Variants in NALF1 observed in about 807,000 individuals in gnomAD.
NALF1 encodes the protein NALCN channel auxiliary factor 1.
In NALF1, 3 loss-of-function variants were observed where a neutral mutation model predicts 48.4. That is an observed-to-expected ratio of 0.06 (90% CI 0.03 to 0.16). The LOEUF (loss-of-function observed/expected upper bound fraction) is 0.16. Among genes scored for constraint, NALF1 ranks in the 10% least tolerant of loss-of-function variants. The pLI is 1.00. For missense variants in NALF1, 526 were observed against 571.5 expected (o/e 0.92, Z 0.81); for synonymous variants, 262 against 245.7 (o/e 1.07, Z -0.62).
At chr13:107,544,532 T>C (rs1487583453) in intron 1 of NALF1, among the ~76,000 whole-genome samples, 1 of 152,164 alleles carries the variant, frequency 6.6e-6, no homozygotes, top group African/African-American at 2.4e-5. Context: ...TCTAGTTCCA[T>C]CTAAACCATT....
intron 1 of NALF1, among the ~76,000 whole-genome samples, chr13:107,837,683 C>T (rs940364810): frequency 6.9e-6 from 1 of 145,594 alleles, no homozygotes; most frequent in Non-Finnish European, 1.5e-5. Context: ...CCACCAGCTG[C>T]GCAGACTCCC....
intron 1 of NALF1, among the ~76,000 whole-genome samples, chr13:107,633,931 TG>T (rs1879905543): frequency 6.7e-6 from 1 of 149,056 alleles, no homozygotes; most frequent in Non-Finnish European, 1.5e-5. Context: ...TATTTATATA[TG>T]GATATATATA....
chr13:107,384,114 A>G (rs1243105821), intron 1 of NALF1, among the ~76,000 whole-genome samples: 2 of 152,018 alleles, frequency 1.3e-5, no homozygotes, highest in Non-Finnish European at 2.9e-5. Context: ...TTAGCCAGGC[A>G]TGGTGGCTCA....
At chr13:107,805,962 C>T (rs1878773495) in intron 1 of NALF1, among the ~76,000 whole-genome samples, 2 of 152,126 alleles carry the variant, frequency 1.3e-5, no homozygotes, top group South Asian at 4.1e-4. Context: ...AAAGTGTTGC[C>T]TTAAATATTT....
At chr13:107,386,277 T>G (rs1263417047) in intron 1 of NALF1, among the ~76,000 whole-genome samples, 1 of 152,182 alleles carries the variant, frequency 6.6e-6, no homozygotes, top group African/African-American at 2.4e-5. Flanking sequence ...AAATAAAGTG[T>G]CTAAAGGCAA....
intron 1 of NALF1, among the ~76,000 whole-genome samples, chr13:107,812,788 T>G (rs1879037149): frequency 6.6e-6 from 1 of 152,104 alleles, no homozygotes; most frequent in African/African-American, 2.4e-5. Context: ...TGTTTTTCAT[T>G]TTTTTTGTTT....
chr13:107,648,099 T>C (rs1460964213), intron 1 of NALF1, among the ~76,000 whole-genome samples: 2 of 152,120 alleles, frequency 1.3e-5, no homozygotes, highest in African/African-American at 4.8e-5. Context: ...ATACAGACAG[T>C]CCCATATGTC....
chr13:107,236,630 T>C (rs1046171358), intron 1 of NALF1, among the ~76,000 whole-genome samples: 3 of 152,186 alleles, frequency 2.0e-5, no homozygotes, highest in African/African-American at 4.8e-5. Flanking sequence ...TCTCCCTGTT[T>C]GGTAGCTTAA....
chr13:107,262,800 T>G (rs1002591950), intron 1 of NALF1, among the ~76,000 whole-genome samples: 4 of 77,144 alleles, frequency 5.2e-5, no homozygotes, highest in African/African-American at 2.2e-4. Flanking sequence ...CTCTCTCTCA[T>G]TCTTAAGCAA....
intron 1 of NALF1, among the ~76,000 whole-genome samples, chr13:107,252,446 G>C (rs980045): frequency 0.55 from 82,561 of 150,548 alleles, 23,399 homozygotes; most frequent in South Asian, 0.66. Flanking sequence ...GAGAAAGAGA[G>C]GGACAGACAC....
rs983876306 is a variant in NALF1 at position 107,168,498 on chromosome 13, A to C, written c.*1999T>G. The C allele has an allele frequency of 6.6e-6, 1 of 152,520 alleles. No homozygotes were observed. Among genetic ancestry groups the C allele is most frequent in the African/African-American group, 2.4e-5 (1 of 41,414 alleles). 9.4% of individuals were successfully genotyped at this position (152,520 alleles called of 1,614,324 possible). Reference sequence around the variant, plus strand: ...ATGTATTTGCATTTGCAGAAAAAAAAATTTTAAAAAAGGAACAAAAACGGG... The same window carrying C: ...ATGTATTTGCATTTGCAGAAAAAAACATTTTAAAAAAGGAACAAAAACGGG... On this transcript the variant is annotated 3_prime_UTR_variant, in exon 3 of 3. Transcript: ENST00000375915.
chr13:107,174,351 ATT>A (rs1231349758), intron 2 of NALF1, among the ~76,000 whole-genome samples: 49 of 29,200 alleles, frequency 1.7e-3, no homozygotes, highest in African/African-American at 7.1e-3. Flanking sequence ...ATTTTTATTT[ATT>A]TATTTATTTA....
At chr13:107,246,161 GTAA>G (rs10548234) in intron 1 of NALF1, among the ~76,000 whole-genome samples, 21,244 of 151,974 alleles carry the variant, frequency 0.14, 1,925 homozygotes, top group East Asian at 0.4. Context: ...AGCATCAGGG[GTAA>G]ATATAAAATA....
chr13:107,686,868 A>G (rs1044645704), intron 1 of NALF1, among the ~76,000 whole-genome samples: 2 of 152,204 alleles, frequency 1.3e-5, no homozygotes, highest in Non-Finnish European at 2.9e-5. Flanking sequence ...AAACTAGTTC[A>G]ACCCCAGTGG....
intron 1 of NALF1, among the ~76,000 whole-genome samples, chr13:107,236,575 C>T (rs987802763): frequency 1.3e-5 from 2 of 152,154 alleles, no homozygotes; most frequent in African/African-American, 4.8e-5. Context: ...TAATGCTAGA[C>T]ATCAAATTAG....
chr13:107,562,377 C>G (rs1877673349), intron 1 of NALF1, among the ~76,000 whole-genome samples: 2 of 152,174 alleles, frequency 1.3e-5, no homozygotes, highest in African/African-American at 2.4e-5. Flanking sequence ...CCACTCATGT[C>G]TGATCACAGG....
chr13:107,269,431 G>T (rs1484091894), intron 1 of NALF1, among the ~76,000 whole-genome samples: 1 of 152,114 alleles, frequency 6.6e-6, no homozygotes, highest in Non-Finnish European at 1.5e-5. Context: ...AAAAAGTCAG[G>T]GGTCCAGGGA....
At chr13:107,491,818 T>C (rs1230523794) in intron 1 of NALF1, among the ~76,000 whole-genome samples, 1 of 152,060 alleles carries the variant, frequency 6.6e-6, no homozygotes, top group South Asian at 2.1e-4. Context: ...TAGAAGGCTA[T>C]TGTAAAAATT....
At chr13:107,499,183 G>T (rs1036283645) in intron 1 of NALF1, among the ~76,000 whole-genome samples, 1 of 151,756 alleles carries the variant, frequency 6.6e-6, no homozygotes, top group Non-Finnish European at 1.5e-5. Flanking sequence ...ACATACCTAT[G>T]ATCACCTTAT....
Sources: gnomAD v4.1 joint callset for allele counts (sites outside exome capture counted in the v4.1 genomes callset) on GRCh38, gnomAD v4.1.1 for gene constraint, MANE v1.5 for transcripts, NCBI Gene and HGNC (gene_info 2026-07-23, HGNC 2026-07-21) for gene names.